Variants in EPC2 observed in about 807,000 individuals in gnomAD.
EPC2 encodes the protein enhancer of polycomb 2, also known as enhancer of polycomb homolog 2.
Under a neutral mutation model 92.1 loss-of-function variants are expected in EPC2, and 14 were observed. The observed-to-expected ratio is 0.15, with a 90% CI of 0.10 to 0.24. EPC2 has a LOEUF of 0.24. EPC2 is among the 10% of genes least tolerant of loss of function. EPC2 has a pLI of 1.00. For missense variants in EPC2, 755 were observed against 971.5 expected (o/e 0.78, Z 2.96); for synonymous variants, 340 against 334.7 (o/e 1.02, Z -0.17).
chr2:148,658,913 T>C (rs947718625), intron 1 of EPC2, among the ~76,000 whole-genome samples: 3 of 152,026 alleles, frequency 2.0e-5, no homozygotes, highest in Non-Finnish European at 4.4e-5. Context: ...GTAGTAAATA[T>C]AGAGTTTAGT....
intron 4 of EPC2, among the ~76,000 whole-genome samples, chr2:148,759,424 T>A (rs533010885): frequency 7.0e-4 from 106 of 152,316 alleles, no homozygotes; most frequent in African/African-American, 2.5e-3. Flanking sequence ...AAAGTTATTA[T>A]CTTACTGATG....
intron 1 of EPC2, among the ~76,000 whole-genome samples, chr2:148,675,322 G>A (rs75845460): frequency 0.025 from 3,835 of 151,514 alleles, 56 homozygotes; most frequent in East Asian, 0.033. Context: ...AAAATTTTTC[G>A]TATCCCTAAA....
chr2:148,646,016 C>G (rs934975350), intron 1 of EPC2, among the ~76,000 whole-genome samples: 2 of 152,214 alleles, frequency 1.3e-5, no homozygotes, highest in African/African-American at 4.8e-5. Flanking sequence ...AAAATTGCTG[C>G]TTTTCCTCCG....
chr2:148,726,366 T>A (rs1012340026), intron 2 of EPC2, among the ~76,000 whole-genome samples: 3 of 152,202 alleles, frequency 2.0e-5, no homozygotes, highest in African/African-American at 7.2e-5. Context: ...TTTCAGAAAC[T>A]ACTCCTGTTT....
intron 3 of EPC2, among the ~76,000 whole-genome samples, chr2:148,745,144 C>T (rs1342966448): frequency 2.0e-5 from 3 of 152,012 alleles, no homozygotes; most frequent in Admixed American, 6.5e-5. Context: ...AAAGTACCAA[C>T]TTGATGTTCA....
chr2:148,767,695 G>T (rs1471690001), intron 7 of EPC2, among the ~76,000 whole-genome samples: 1 of 152,186 alleles, frequency 6.6e-6, no homozygotes, highest in African/African-American at 2.4e-5. Context: ...CTGAATTGCA[G>T]CTGAACAGAG....
chr2:148,738,550 A>G (rs1009187833), intron 2 of EPC2, among the ~76,000 whole-genome samples: 4 of 152,228 alleles, frequency 2.6e-5, no homozygotes, highest in African/African-American at 4.8e-5. Context: ...CTTATGCTAT[A>G]TGTGCAGTTG....
chr2:148,658,616 TA>T (rs1401727665), intron 1 of EPC2, among the ~76,000 whole-genome samples: 2 of 137,080 alleles, frequency 1.5e-5, no homozygotes, highest in African/African-American at 5.4e-5. Flanking sequence ...TGTATATATA[TA>T]TATATATATA....
chr2:148,709,065 G>T (rs1682073135), intron 2 of EPC2, among the ~76,000 whole-genome samples: 1 of 152,202 alleles, frequency 6.6e-6, no homozygotes, highest in Non-Finnish European at 1.5e-5. Flanking sequence ...GTCCCTGTTT[G>T]CAGATGACAT....
chr2:148,785,740 A>G (rs1683853560), intron 13 of EPC2, among the ~76,000 whole-genome samples: 1 of 152,252 alleles, frequency 6.6e-6, no homozygotes, highest in Admixed American at 6.5e-5. Flanking sequence ...ACAAAGGGAA[A>G]GTAAATTACC....
At chr2:148,654,906 G>A (rs1409845202) in intron 1 of EPC2, among the ~76,000 whole-genome samples, 1 of 152,060 alleles carries the variant, frequency 6.6e-6, no homozygotes, top group East Asian at 1.9e-4. Flanking sequence ...TTTTAGGTTA[G>A]ATGATTAGTT....
Position 148,644,966 on chromosome 2 carries a change from C to T in EPC2, c.-52C>T, listed in dbSNP as rs2105346019. 10 of 1,513,054 alleles carry T rather than the reference C, an allele frequency of 6.6e-6. No homozygotes were observed. In the South Asian group the frequency reaches 8.4e-5, roughly 13 times the overall value. The allele number at this position is 1,513,054 out of a possible 1,614,324, so 93.7% of individuals were successfully genotyped here. A position where few individuals can be genotyped will look rare whatever the true frequency, so the allele number is the denominator to read the frequency against. ...AGGCGGCGGGAGTCCTCCCCCCCTC[C>T]CCGCCCGCCCCGCCGCCGCCGCCCG... On this transcript the variant is annotated 5_prime_UTR_variant, in exon 1 of 14. Transcript: ENST00000258484.
chr2:148,700,529 G>A (rs1271638835), intron 2 of EPC2, among the ~76,000 whole-genome samples: 2 of 115,684 alleles, frequency 1.7e-5, no homozygotes, highest in African/African-American at 6.8e-5. Flanking sequence ...CTTTGTCAAA[G>A]ATCTTTTGTC....
At chr2:148,697,955 C>T (rs1427871914) in intron 2 of EPC2, among the ~76,000 whole-genome samples, 2 of 151,890 alleles carry the variant, frequency 1.3e-5, no homozygotes, top group African/African-American at 4.8e-5. Flanking sequence ...AGCACTGTGC[C>T]TGACAAAAAA....
At chr2:148,732,398 T>TTTTG (rs1682651697) in intron 2 of EPC2, among the ~76,000 whole-genome samples, 1 of 150,696 alleles carries the variant, frequency 6.6e-6, no homozygotes. Context: ...TTTTTTTTTT[T>TTTTG]GAGATGTAGT....
intron 1 of EPC2, among the ~76,000 whole-genome samples, chr2:148,670,847 C>A (rs59142085): frequency 6.6e-6 from 1 of 152,046 alleles, no homozygotes; most frequent in Non-Finnish European, 1.5e-5. Context: ...GCACGTGCCA[C>A]CTATTTTTGT....
At chr2:148,650,887 T>C (rs1680668965) in intron 1 of EPC2, among the ~76,000 whole-genome samples, 2 of 152,140 alleles carry the variant, frequency 1.3e-5, no homozygotes, top group South Asian at 4.1e-4. Flanking sequence ...AAGTGTTCTG[T>C]ATAGGAAAAG....
At chr2:148,778,680 T>C (rs1683693678) in intron 10 of EPC2, among the ~76,000 whole-genome samples, 1 of 152,180 alleles carries the variant, frequency 6.6e-6, no homozygotes, top group African/African-American at 2.4e-5. Context: ...ATGTTTTGTA[T>C]GTGTTCCAAT....
intron 1 of EPC2, among the ~76,000 whole-genome samples, chr2:148,652,789 C>T (rs985941133): frequency 3.9e-5 from 6 of 152,102 alleles, no homozygotes; most frequent in African/African-American, 1.2e-4. Flanking sequence ...CGATTATATT[C>T]GTCCTCTATC....
Sources: gnomAD v4.1 joint callset for allele counts (sites outside exome capture counted in the v4.1 genomes callset) on GRCh38, gnomAD v4.1.1 for gene constraint, MANE v1.5 for transcripts, NCBI Gene and HGNC (gene_info 2026-07-23, HGNC 2026-07-21) for gene names.